Variants in PRKCA observed in about 807,000 individuals in gnomAD.
The protein encoded by PRKCA is protein kinase C alpha, also known as protein kinase C alpha type.
PRKCA carries 27 observed loss-of-function variants against 87.0 expected under a neutral mutation model. The ratio of observed to expected loss-of-function variants is 0.31; its 90% CI spans 0.23 to 0.43. The LOEUF (loss-of-function observed/expected upper bound fraction) is 0.43. PRKCA is among the 20% of genes least tolerant of loss of function. The pLI is 1.00. For missense variants in PRKCA, 518 were observed against 852.3 expected (o/e 0.61, Z 4.88); for synonymous variants, 329 against 311.1 (o/e 1.06, Z -0.61).
intron 2 of PRKCA, among the ~76,000 whole-genome samples, chr17:66,445,940 G>A (rs228888): frequency 0.36 from 54,839 of 151,614 alleles, 10,492 homozygotes; most frequent in Middle Eastern, 0.5. Flanking sequence ...CAGCCTTCCA[G>A]GTAGCTGGGA....
chr17:66,336,946 G>A lies in PRKCA; in HGVS notation c.205+30819G>A, dbSNP rs150903988. Among the ~76,000 whole-genome samples the A allele has an allele frequency of 1.5e-3, 225 of 152,026 alleles. 2 individuals are homozygous for A. Among genetic ancestry groups the A allele is most frequent in the East Asian group, 0.012 (60 of 5,120 alleles). ...TGGGGTTACAGGCGCCCGCCACCAC[G>A]TCCAGCTAATTTTTTTGTACTTTTA... On this transcript the variant is annotated intron_variant, in intron 2 of 16. Coordinates refer to ENST00000413366, the MANE Select transcript of PRKCA (RefSeq NM_002737.3).
intron 8 of PRKCA, among the ~76,000 whole-genome samples, chr17:66,704,048 A>T (rs1480449832): frequency 1.3e-5 from 2 of 152,114 alleles, no homozygotes; most frequent in African/African-American, 4.8e-5. Context: ...TTTCATCTCC[A>T]TGATAATCTT....
intron 2 of PRKCA, among the ~76,000 whole-genome samples, chr17:66,418,440 CTT>C (rs113526885): frequency 7.0e-5 from 10 of 142,174 alleles, no homozygotes; most frequent in Admixed American, 1.4e-4. Flanking sequence ...TTGTTTTAGC[CTT>C]TTTTTTTTTT....
chr17:66,326,245 G>A (rs1464983000), intron 2 of PRKCA, among the ~76,000 whole-genome samples: 2 of 152,006 alleles, frequency 1.3e-5, no homozygotes, highest in Admixed American at 6.6e-5. Context: ...CTCATGACAT[G>A]GATTTTTGTG....
chr17:66,563,721 G>A (rs1968785591), intron 3 of PRKCA, among the ~76,000 whole-genome samples: 1 of 152,202 alleles, frequency 6.6e-6, no homozygotes, highest in African/African-American at 2.4e-5. Flanking sequence ...GCTGACCTGT[G>A]TGGTTCAGTC....
intron 2 of PRKCA, among the ~76,000 whole-genome samples, chr17:66,444,954 C>T (rs556148192): frequency 2.3e-4 from 35 of 152,190 alleles, no homozygotes; most frequent in Non-Finnish European, 4.4e-4. Flanking sequence ...CACACACACA[C>T]TCTCACACAT....
chr17:66,310,805 T>C (rs1359630136), intron 2 of PRKCA, among the ~76,000 whole-genome samples: 2 of 152,176 alleles, frequency 1.3e-5, no homozygotes, highest in Admixed American at 1.3e-4. Flanking sequence ...AGAAAAGGGA[T>C]GCGCCGTTGT....
At chr17:66,431,630 C>A (rs184582683) in intron 2 of PRKCA, among the ~76,000 whole-genome samples, 1 of 152,158 alleles carries the variant, frequency 6.6e-6, no homozygotes, top group Non-Finnish European at 1.5e-5. Flanking sequence ...TTCCCCTCTG[C>A]GCTCCAGCAA....
chr17:66,639,822 C>T (rs1400439450), intron 3 of PRKCA, among the ~76,000 whole-genome samples: 1 of 151,994 alleles, frequency 6.6e-6, no homozygotes. Flanking sequence ...CATGGTGAAA[C>T]CCCATCTCTA....
rs1969430299 is a variant in PRKCA, at chr17:66,581,498, CAG to C, written c.289-59854_289-59853del. Among the ~76,000 whole-genome samples the C allele has an allele frequency of 2.0e-5, 3 of 152,184 alleles. No individual in the cohort carries two copies. In the South Asian group the frequency reaches 6.2e-4, roughly 32 times the overall value. ...TCTTTTTTGTTTTTTGTTTTTGAGA[CAG>C]AGTCTCTCTCTGTCCCCCAGGCTGG... On this transcript the variant is annotated intron_variant, in intron 3 of 16. Coordinates refer to ENST00000413366, the MANE Select transcript of PRKCA (RefSeq NM_002737.3).
At chr17:66,629,175 G>A (rs780730795) in intron 3 of PRKCA, among the ~76,000 whole-genome samples, 1 of 152,208 alleles carries the variant, frequency 6.6e-6, no homozygotes, top group Non-Finnish European at 1.5e-5. Flanking sequence ...CTTGGCAGTC[G>A]AGAAAAAGAC....
chr17:66,797,148 G>A (rs1242276437), intron 16 of PRKCA, among the ~76,000 whole-genome samples: 1 of 152,148 alleles, frequency 6.6e-6, no homozygotes, highest in Non-Finnish European at 1.5e-5. Context: ...GCCTCTCCCA[G>A]GTAAGAATCA....
At chr17:66,660,888 A>G (rs901143215) in intron 5 of PRKCA, among the ~76,000 whole-genome samples, 24 of 152,134 alleles carry the variant, frequency 1.6e-4, no homozygotes, top group African/African-American at 5.8e-4. Flanking sequence ...CAGCCTGGGC[A>G]ACAGAGCAAG....
rs148842588 is a variant in PRKCA at position 66,336,754 on chromosome 17, TTGTGTGTGTGTGTGTGTGTG to T, written c.205+30657_205+30676del. ...ACATCCTGAACCCCTGCAAATAAGT[TTGTGTGTGTGTGTGTGTGTG>T]TGTGTGTGTGTGTGTGTGTGTGTGT... On this transcript the variant is annotated intron_variant, in intron 2 of 16. Transcript: ENST00000413366. 8.7e-3 allele frequency among the ~76,000 whole-genome samples: 1,169 copies of T among 133,736 alleles called. 18 individuals are homozygous for T. The highest frequency in any genetic ancestry group is 0.073 in the East Asian group (312 of 4,264). 87.7% of individuals were successfully genotyped at this position (133,736 alleles called of 152,430 possible).
At chr17:66,748,252 C>T (rs905176935) in intron 13 of PRKCA, among the ~76,000 whole-genome samples, 1 of 152,202 alleles carries the variant, frequency 6.6e-6, no homozygotes, top group Non-Finnish European at 1.5e-5. Context: ...AATGCCAGCC[C>T]ACTGATGCCT....
intron 2 of PRKCA, among the ~76,000 whole-genome samples, chr17:66,315,054 G>A (rs926895741): frequency 1.6e-4 from 24 of 152,096 alleles, no homozygotes; most frequent in African/African-American, 5.8e-4. Context: ...CCTAGCTTGT[G>A]TGATACACAC....
At chr17:66,626,025 G>A (rs1331263893) in intron 3 of PRKCA, among the ~76,000 whole-genome samples, 1 of 152,220 alleles carries the variant, frequency 6.6e-6, no homozygotes, top group African/African-American at 2.4e-5. Flanking sequence ...GCCCCCAGCA[G>A]CATCCTTTTA....
chr17:66,622,857 G>A (rs1486197510), intron 3 of PRKCA, among the ~76,000 whole-genome samples: 1 of 152,190 alleles, frequency 6.6e-6, no homozygotes, highest in Non-Finnish European at 1.5e-5. Flanking sequence ...ACAGTACGGG[G>A]GAACCGCCCC....
chr17:66,515,161 C>A (rs1966925717), intron 3 of PRKCA, among the ~76,000 whole-genome samples: 1 of 150,394 alleles, frequency 6.6e-6, no homozygotes, highest in South Asian at 2.1e-4. Context: ...GAGGCTGAAG[C>A]AGGAGAATCA....
Sources: gnomAD v4.1 joint callset for allele counts (sites outside exome capture counted in the v4.1 genomes callset) on GRCh38, gnomAD v4.1.1 for gene constraint, MANE v1.5 for transcripts, NCBI Gene and HGNC (gene_info 2026-07-23, HGNC 2026-07-21) for gene names.